Variants in SBF2 observed in about 807,000 individuals in gnomAD.
The protein encoded by SBF2 is myotubularin-related protein 13.
SBF2 carries 112 observed loss-of-function variants against 225.2 expected under a neutral mutation model. That is an observed-to-expected ratio of 0.50 (90% CI 0.43 to 0.58). The LOEUF is 0.58. Ranked by LOEUF, SBF2 falls within the 20% of genes least tolerant of loss-of-function variation. The pLI is 0.00. For synonymous variants in SBF2, 763 were observed against 773.3 expected (o/e 0.99, Z 0.22); for missense variants, 1,996 against 2,206.2 (o/e 0.90, Z 1.91).
chr11:9,882,963 G>A (rs996896475), intron 17 of SBF2, among the ~76,000 whole-genome samples: 4 of 151,964 alleles, frequency 2.6e-5, no homozygotes, highest in Admixed American at 1.3e-4. Context: ...ATTAGCCTGG[G>A]CAACATGGTA....
chr11:10,283,357 T>A (rs1963537800), intron 1 of SBF2, among the ~76,000 whole-genome samples: 1 of 152,188 alleles, frequency 6.6e-6, no homozygotes, highest in African/African-American at 2.4e-5. Context: ...TGTATTACAA[T>A]GGTTTAACAA....
intron 25 of SBF2, among the ~76,000 whole-genome samples, chr11:9,840,133 C>T (rs1856017537): frequency 6.6e-6 from 1 of 151,954 alleles, no homozygotes; most frequent in Non-Finnish European, 1.5e-5. Context: ...ACTCGGGAGG[C>T]TGAGGCAGGA....
chr11:9,804,179 G>A (rs1170697279), intron 32 of SBF2, among the ~76,000 whole-genome samples: 1 of 152,068 alleles, frequency 6.6e-6, no homozygotes, highest in Non-Finnish European at 1.5e-5. Context: ...CTAGACTTGG[G>A]AACACCAGAC....
At chr11:9,957,762 G>C (rs922059065) in intron 16 of SBF2, 1 of 151,916 alleles carries the variant, frequency 6.6e-6, no homozygotes, top group African/African-American at 2.4e-5. Context: ...CCCGACCCTT[G>C]TTTTTACATT....
intron 2 of SBF2, among the ~76,000 whole-genome samples, chr11:10,173,471 A>G (rs1270283288): frequency 6.6e-6 from 1 of 152,212 alleles, no homozygotes; most frequent in African/African-American, 2.4e-5. Context: ...AAAACGCCGC[A>G]CCAGGAGATT....
chr11:10,233,814 A>G (rs926196702), intron 1 of SBF2, among the ~76,000 whole-genome samples: 1 of 152,168 alleles, frequency 6.6e-6, no homozygotes, highest in African/African-American at 2.4e-5. Flanking sequence ...CTGTAATACT[A>G]AGGCCTGGTC....
intron 2 of SBF2, among the ~76,000 whole-genome samples, chr11:10,130,284 C>A (rs759150542): frequency 6.6e-6 from 1 of 151,668 alleles, no homozygotes; most frequent in South Asian, 2.1e-4. Flanking sequence ...ATCACTTTAA[C>A]GCAGGAGGCG....
chr11:10,285,114 A>G (rs370680158), intron 1 of SBF2, among the ~76,000 whole-genome samples: 1 of 152,152 alleles, frequency 6.6e-6, no homozygotes, highest in East Asian at 1.9e-4. Context: ...GTTCAACACC[A>G]GCCTGGGTAA....
intron 2 of SBF2, among the ~76,000 whole-genome samples, chr11:10,120,414 T>C (rs1022404190): frequency 1.3e-5 from 2 of 152,226 alleles, no homozygotes; most frequent in African/African-American, 4.8e-5. Flanking sequence ...TTTGCAATTC[T>C]CCTTGAAGTT....
At chr11:9,855,424 A>T (rs1857248029) in intron 19 of SBF2, among the ~76,000 whole-genome samples, 1 of 152,140 alleles carries the variant, frequency 6.6e-6, no homozygotes, top group African/African-American at 2.4e-5. Context: ...AGGAATTGAG[A>T]ATGGGAAGAG....
chr11:9,943,768 C>T (rs1287561421), intron 16 of SBF2, among the ~76,000 whole-genome samples: 1 of 152,156 alleles, frequency 6.6e-6, no homozygotes, highest in African/African-American at 2.4e-5. Flanking sequence ...TAGAAACTCT[C>T]ATATATTGCT....
chr11:10,006,513 C>T (rs947704917), intron 6 of SBF2, among the ~76,000 whole-genome samples: 1 of 152,188 alleles, frequency 6.6e-6, no homozygotes, highest in Non-Finnish European at 1.5e-5. Context: ...AAGGACCCCA[C>T]TTACTTGCTT....
At chr11:10,092,166 T>G (rs891732885) in intron 2 of SBF2, among the ~76,000 whole-genome samples, 34 of 152,156 alleles carry the variant, frequency 2.2e-4, no homozygotes, top group Admixed American at 3.9e-4. Flanking sequence ...AAAAGCAAAG[T>G]TAGTAATTTT....
At chr11:9,942,880 A>T (rs1382430288) in intron 16 of SBF2, among the ~76,000 whole-genome samples, 1 of 103,370 alleles carries the variant, frequency 9.7e-6, no homozygotes, top group Non-Finnish European at 2.2e-5. Context: ...AGAAAGAAAG[A>T]AAAGAAAAGA....
intron 22 of SBF2, among the ~76,000 whole-genome samples, chr11:9,849,308 T>C (rs1174002374): frequency 1.3e-5 from 2 of 152,218 alleles, no homozygotes; most frequent in African/African-American, 2.4e-5. Flanking sequence ...AAAGGTTAAG[T>C]GATTTAAGTC....
At chr11:9,797,796 T>G (rs1208541881) in intron 32 of SBF2, among the ~76,000 whole-genome samples, 1 of 152,128 alleles carries the variant, frequency 6.6e-6, no homozygotes, top group Non-Finnish European at 1.5e-5. Context: ...TAGTGAGACC[T>G]TTTCTCTACA....
intron 2 of SBF2, among the ~76,000 whole-genome samples, chr11:10,111,799 C>CAGGAG (rs1952868326): frequency 6.6e-6 from 1 of 152,230 alleles, no homozygotes; most frequent in South Asian, 2.1e-4. Flanking sequence ...ATCGCTTGAA[C>CAGGAG]CCGGGAGACA....
At chr11:10,058,352 T>A (rs1454388650) in intron 2 of SBF2, among the ~76,000 whole-genome samples, 1 of 151,956 alleles carries the variant, frequency 6.6e-6, no homozygotes, top group Non-Finnish European at 1.5e-5. Context: ...AAACACAATA[T>A]AAGAATTTGA....
chr11:10,137,673 T>C lies in SBF2; in HGVS notation c.141+56229A>G, dbSNP rs190234937. On this transcript the variant is annotated intron_variant, in intron 2 of 39. Transcript: ENST00000256190. ...AACATTTTGTAGTTTTCCTTTTTTG[T>C]CTTTGTCTGCTTTTGGTATCAGAGT... is the stretch of plus-strand genomic sequence containing the variant. Among the ~76,000 whole-genome samples, 253 of 152,282 alleles carry C rather than the reference T, an allele frequency of 1.7e-3. 2 individuals are homozygous for C. The highest frequency in any genetic ancestry group is 5.7e-3 in the African/African-American group (237 of 41,574).
Sources: gnomAD v4.1 joint callset for allele counts (sites outside exome capture counted in the v4.1 genomes callset) on GRCh38, gnomAD v4.1.1 for gene constraint, MANE v1.5 for transcripts, NCBI Gene and HGNC (gene_info 2026-07-23, HGNC 2026-07-21) for gene names.